The following SDK2 variants were observed in gnomAD, a reference collection of about 807,000 sequenced individuals.
The protein encoded by SDK2 is sidekick cell adhesion molecule 2.
Under a neutral mutation model 253.9 loss-of-function variants are expected in SDK2, and 105 were observed. The ratio of observed to expected loss-of-function variants is 0.41; its 90% CI spans 0.35 to 0.49. The LOEUF is 0.49. Among genes scored for constraint, SDK2 ranks in the 20% least tolerant of loss-of-function variants. SDK2 has a pLI of 0.06. For synonymous variants in SDK2, 1,249 were observed against 1,234.9 expected (o/e 1.01, Z -0.24); for missense variants, 2,608 against 3,003.0 (o/e 0.87, Z 3.07).
chr17:73,359,354 C>T (rs140293146), intron 39 of SDK2, among the ~76,000 whole-genome samples: 1 of 152,286 alleles, frequency 6.6e-6, no homozygotes, highest in Non-Finnish European at 1.5e-5. Context: ...CCTATGCCCA[C>T]CCCACAGCAT....
chr17:73,445,529 G>C (rs2063447011), intron 5 of SDK2, among the ~76,000 whole-genome samples: 1 of 152,144 alleles, frequency 6.6e-6, no homozygotes, highest in Non-Finnish European at 1.5e-5. Flanking sequence ...GTTCTGAAGA[G>C]CATAGGGTCC....
chr17:73,605,492 T>C (rs2045896202), intron 1 of SDK2, among the ~76,000 whole-genome samples: 1 of 152,110 alleles, frequency 6.6e-6, no homozygotes, highest in South Asian at 2.1e-4. Flanking sequence ...GAGAAGGCAG[T>C]TGGGGCCTTC....
chr17:73,626,073 CAG>C (rs74269578), intron 1 of SDK2, among the ~76,000 whole-genome samples: 32,586 of 152,180 alleles, frequency 0.21, 3,871 homozygotes, highest in South Asian at 0.28. Context: ...CTGAGCGAGA[CAG>C]AGCCGTCTCT....
chr17:73,635,703 A>T (rs1231664583), intron 1 of SDK2, among the ~76,000 whole-genome samples: 3 of 152,104 alleles, frequency 2.0e-5, no homozygotes, highest in Non-Finnish European at 4.4e-5. Flanking sequence ...TCAAACTTTA[A>T]TTGCCTTTCT....
chr17:73,507,406 G>A, intron 2 of SDK2, 32 bp downstream of exon 2: 1 of 1,540,592 alleles, frequency 6.5e-7, no homozygotes, highest in Non-Finnish European at 8.8e-7. Flanking sequence ...GGTCCTGGCA[G>A]CCAGGAGGAA....
At chr17:73,350,399 C>T in intron 42 of SDK2, 24 bp from the exon 43 acceptor site, 1 of 1,604,210 alleles carries the variant, frequency 6.2e-7, no homozygotes, top group Non-Finnish European at 8.5e-7. Flanking sequence ...GAGATTGACA[C>T]CCTTTAGACT....
intron 18 of SDK2, among the ~76,000 whole-genome samples, chr17:73,405,310 G>T (rs76999551): frequency 4.7e-5 from 6 of 127,414 alleles, no homozygotes; most frequent in Admixed American, 4.0e-4. Context: ...CATGGTGGCT[G>T]GCGCCTGTAA....
intron 44 of SDK2, among the ~76,000 whole-genome samples, chr17:73,345,822 C>T (rs2062478052): frequency 6.6e-6 from 1 of 152,226 alleles, no homozygotes; most frequent in Non-Finnish European, 1.5e-5. Flanking sequence ...TGGTGTCATT[C>T]ACGAACAATC....
chr17:73,489,259 C>A (rs1157546622), intron 2 of SDK2, among the ~76,000 whole-genome samples: 1 of 152,150 alleles, frequency 6.6e-6, no homozygotes, highest in East Asian at 1.9e-4. Flanking sequence ...CCCACGAAGA[C>A]AATAGTGGTC....
chr17:73,338,950 CAG>C lies in SDK2; in HGVS notation c.6166-12_6166-11del. ...ACTCGCTGTCACTTCCCTGGGAGGACAGAGAATCAGGGTGTGTCAGTGGCCCC... is the reference window on the plus strand; with the variant it reads ...ACTCGCTGTCACTTCCCTGGGAGGACAGAATCAGGGTGTGTCAGTGGCCCC... On this transcript the variant is annotated splice_polypyrimidine_tract_variant and intron_variant, in intron 44 of 44. Coordinates refer to ENST00000392650, the MANE Select transcript of SDK2 (RefSeq NM_001144952.2). The surrounding 1 kb of genome is among the most constrained non-coding windows in gnomAD (Gnocchi z 5.0). 2 of 1,612,620 alleles carry C rather than the reference CAG, an allele frequency of 1.2e-6. No individual in the cohort carries two copies. Among genetic ancestry groups the C allele is most frequent in the Non-Finnish European group, 1.7e-6 (2 of 1,178,696 alleles).
At chr17:73,607,013 T>A (rs528400200) in intron 1 of SDK2, among the ~76,000 whole-genome samples, 1 of 152,278 alleles carries the variant, frequency 6.6e-6, no homozygotes, top group Admixed American at 6.5e-5. Context: ...AGCTAGACCA[T>A]GAGGCTGGAC....
At chr17:73,401,914 G>A in intron 19 of SDK2, 32 bp downstream of exon 19, 3 of 1,513,320 alleles carry the variant, frequency 2.0e-6, no homozygotes, top group African/African-American at 2.7e-5. Context: ...GGGCGGGGGG[G>A]GGCAGAAAGA....
chr17:73,582,789 C>T (rs111544522), intron 1 of SDK2, among the ~76,000 whole-genome samples: 3 of 152,184 alleles, frequency 2.0e-5, no homozygotes, highest in African/African-American at 7.2e-5. Flanking sequence ...ATCCAAGAAG[C>T]CTTCTGGAAG....
At chr17:73,456,825 GT>G (rs2063528905) in intron 3 of SDK2, among the ~76,000 whole-genome samples, 2 of 152,246 alleles carry the variant, frequency 1.3e-5, no homozygotes, top group African/African-American at 4.8e-5. Flanking sequence ...GGACAAGGGG[GT>G]AGGGAGACTA....
Position 73,402,615 on chromosome 17 carries a change from C to CT in SDK2, c.2485-475dup, listed in dbSNP as rs35702792. ...CACCCATGAAGCCGGCCCTGTATTC[C>CT]TTTTTTGAGATGGGGTCTCACTATG... On this transcript the variant is annotated intron_variant, in intron 18 of 44. Transcript: ENST00000392650. 9.9e-3 allele frequency among the ~76,000 whole-genome samples: 1,511 copies of CT among 152,130 alleles called. 26 individuals are homozygous for CT. Among genetic ancestry groups the CT allele is most frequent in the Middle Eastern group, 0.037 (11 of 294 alleles).
At chr17:73,412,056 ATATG>A (rs1176543535) in intron 18 of SDK2, among the ~76,000 whole-genome samples, 6 of 10,904 alleles carry the variant, frequency 5.5e-4, no homozygotes, top group African/African-American at 1.3e-3. Flanking sequence ...GTATATACGT[ATATG>A]TATATATACG....
intron 1 of SDK2, among the ~76,000 whole-genome samples, chr17:73,553,636 C>T (rs377323611): frequency 1.5e-3 from 224 of 152,250 alleles, no homozygotes; most frequent in African/African-American, 5.0e-3. Flanking sequence ...CCACAGCCTC[C>T]ATCCCACCTG....
chr17:73,423,509 C>T lies in SDK2; in HGVS notation c.1774G>A (p.Ala592Thr), dbSNP rs1424155359. 28 of 1,568,294 alleles carry T rather than the reference C, an allele frequency of 1.8e-5. No individual in the cohort carries two copies. The highest frequency in any genetic ancestry group is 1.7e-4 in the Middle Eastern group (1 of 5,920). The part of the protein sequence containing the change: ...AHLRVRQLPH[A>T]PEHPVATLST... Reference sequence around the variant, plus strand: ...AGAGTGGCCACTGGGTGCTCGGGCGCGTGGGGCAGTTGCCTGGAAAAGAGA... The same window carrying T: ...AGAGTGGCCACTGGGTGCTCGGGCGTGTGGGGCAGTTGCCTGGAAAAGAGA... The change falls in exon 14 of 45, where the codon GCG becomes ACG. Residue 592 changes from alanine (A) to threonine (T), a missense_variant. Coordinates refer to ENST00000392650, the MANE Select transcript of SDK2 (RefSeq NM_001144952.2).
rs1457574422 is a variant in SDK2, at chr17:73,374,611, G to A, written c.4980+4566C>T. On this transcript the variant is annotated intron_variant, in intron 36 of 44. Transcript: ENST00000392650. The stretch of plus-strand genomic sequence containing the variant: ...GCCTCCCCAGTAGCTGGAATTACAA[G>A]CATGCGCTACCATACCCAGCTAATT... Among the ~76,000 whole-genome samples the A allele has an allele frequency of 1.1e-4, 16 of 144,000 alleles. 4 individuals are homozygous for A. The highest frequency in any genetic ancestry group is 3.9e-4 in the African/African-American group (14 of 35,834). The allele number at this position is 144,000 out of a possible 152,430, so 94.5% of individuals were successfully genotyped here. A position where few individuals can be genotyped will look rare whatever the true frequency, so the allele number is the denominator to read the frequency against.
Sources: gnomAD v4.1 joint callset for allele counts (sites outside exome capture counted in the v4.1 genomes callset) on GRCh38, gnomAD v4.1.1 for gene constraint, Gnocchi (gnomAD v3.1) non-coding constraint, MANE v1.5 for transcripts, NCBI Gene and HGNC (gene_info 2026-07-23, HGNC 2026-07-21) for gene names.